Variants in OIP5 observed in about 807,000 individuals in gnomAD.
OIP5 encodes Opa interacting protein 5.
In OIP5, 24 loss-of-function variants were observed where a neutral mutation model predicts 20.3. That is an observed-to-expected ratio of 1.18 (90% CI 0.86 to 1.66). OIP5 has a LOEUF of 1.66. Ranked by LOEUF, OIP5 falls within the 40% of genes most tolerant of loss-of-function variation. OIP5 has a pLI of 0.00. For synonymous variants in OIP5, 143 were observed against 121.3 expected, an observed-to-expected ratio of 1.18 and a Z score of -1.17; for missense variants, 339 against 289.5, an observed-to-expected ratio of 1.17 and a Z score of -1.24.
chr15:41,332,045 C>G, intron 1 of OIP5, 64 bp from the exon 2 acceptor site: 2 of 1,495,176 alleles, frequency 1.3e-6, no homozygotes, highest in Non-Finnish European at 1.9e-6. Context: ...AATCTCTCCT[C>G]TAGACAGACT....
At chr15:41,326,943 A>G (rs1375311983) in intron 2 of OIP5, among the ~76,000 whole-genome samples, 2 of 152,194 alleles carry the variant, frequency 1.3e-5, no homozygotes, top group African/African-American at 4.8e-5. Flanking sequence ...CCTTATCAGT[A>G]GAATGAGGTC....
chr15:41,310,938 T>C (rs2047750005), intron 4 of OIP5, among the ~76,000 whole-genome samples: 1 of 152,220 alleles, frequency 6.6e-6, no homozygotes, highest in Non-Finnish European at 1.5e-5. Context: ...ATATTTAGCA[T>C]GAAATTTAGT....
chr15:41,316,318 AAG>A (rs139955006), intron 3 of OIP5, among the ~76,000 whole-genome samples: 2,401 of 152,186 alleles, frequency 0.016, 78 homozygotes, highest in African/African-American at 0.056. Flanking sequence ...TCTTTAAAAA[AAG>A]AGAATGATCA....
Position 41,327,656 on chromosome 15 carries a change from C to T in OIP5, c.389+4259G>A, listed in dbSNP as rs1184664496. Among the ~76,000 whole-genome samples, 3 of 151,968 alleles carry T rather than the reference C, an allele frequency of 2.0e-5. No homozygotes were observed. The East Asian group carries it at 5.8e-4, about 30-fold the overall frequency. On this transcript the variant is annotated intron_variant, in intron 2 of 4. Coordinates refer to ENST00000220514, the MANE Select transcript of OIP5 (RefSeq NM_007280.2). The stretch of plus-strand genomic sequence containing the variant: ...ACATAAAATTAGCCAGATGTGGTGG[C>T]ATGCACCTGTAGTCCCAGTTACTCG...
At chr15:41,322,649 G>A (rs1033180796) in intron 2 of OIP5, among the ~76,000 whole-genome samples, 3 of 151,986 alleles carry the variant, frequency 2.0e-5, no homozygotes, top group African/African-American at 7.2e-5. Context: ...AAATCACATA[G>A]CTAGCCCGGG....
At chr15:41,314,593 GA>G (rs1430837952) in intron 3 of OIP5, among the ~76,000 whole-genome samples, 1 of 151,150 alleles carries the variant, frequency 6.6e-6, no homozygotes, top group Non-Finnish European at 1.5e-5. Context: ...CTTGACATCA[GA>G]AATTTGAGAC....
intron 3 of OIP5, among the ~76,000 whole-genome samples, chr15:41,314,897 G>A (rs1245183552): frequency 1.3e-5 from 2 of 151,556 alleles, no homozygotes. Context: ...CTCCCAAAGT[G>A]CTGGGATTAC....
At position 41,318,476 on chromosome 15, in the gene OIP5, T is replaced by C. The variant is rs574740675; in HGVS notation, c.512+1182A>G. ...TGCACCCGGCCCATAAGGGAGCAGT[T>C]TGAGATGGGAGGCTTCACCATGTTG... is the stretch of plus-strand genomic sequence containing the variant. On this transcript the variant is annotated intron_variant, in intron 3 of 4. Transcript: ENST00000220514. Among the ~76,000 whole-genome samples the C allele has an allele frequency of 5.3e-5, 8 of 151,940 alleles. No homozygotes were observed. The South Asian group carries it at 1.5e-3, about 28-fold the overall frequency.
intron 2 of OIP5, among the ~76,000 whole-genome samples, chr15:41,320,993 G>A (rs2047820296): frequency 6.6e-6 from 1 of 150,740 alleles, no homozygotes; most frequent in African/African-American, 2.4e-5. Context: ...TGGGAGGTGA[G>A]GAGCGTCTCT....
chr15:41,325,363 G>A (rs535499740), intron 2 of OIP5, among the ~76,000 whole-genome samples: 4 of 151,910 alleles, frequency 2.6e-5, no homozygotes, highest in Non-Finnish European at 5.9e-5. Context: ...CCTAGATCAC[G>A]CCACTGCACT....
chr15:41,331,728 C>T (rs1296619035), intron 2 of OIP5, among the ~76,000 whole-genome samples, 187 bp downstream of exon 2: 1 of 151,884 alleles, frequency 6.6e-6, no homozygotes, highest in East Asian at 1.9e-4. Context: ...GAGAAGTGGC[C>T]CTCAGGAAGA....
In OIP5 at chr15:41,326,694, G is replaced by A. The variant is rs377385693; in HGVS notation, c.389+5221C>T. Among the ~76,000 whole-genome samples, 75 of 152,288 alleles carry A rather than the reference G, an allele frequency of 4.9e-4. 1 individual carries two copies. Among genetic ancestry groups the A allele is most frequent in the African/African-American group, 1.7e-3 (69 of 41,542 alleles). ...GCACACCTAGGCCTTCCAAAGTGCCGGCATTACAGGTGTGAGCCACCGTGC... is the reference window on the plus strand; with the variant it reads ...GCACACCTAGGCCTTCCAAAGTGCCAGCATTACAGGTGTGAGCCACCGTGC... On this transcript the variant is annotated intron_variant, in intron 2 of 4. Transcript: ENST00000220514.
intron 2 of OIP5, among the ~76,000 whole-genome samples, chr15:41,322,654 C>T (rs2047837552): frequency 6.6e-6 from 1 of 151,964 alleles, no homozygotes; most frequent in South Asian, 2.1e-4. Context: ...ACATAGCTAG[C>T]CCGGGCATGA....
intron 1 of OIP5, 22 bp downstream of exon 1, chr15:41,332,218 C>A: frequency 6.5e-7 from 1 of 1,528,652 alleles, no homozygotes; most frequent in South Asian, 1.3e-5. Flanking sequence ...TCTGCCTTTC[C>A]CGAACGCTTC....
chr15:41,319,365 C>G lies in OIP5; in HGVS notation c.512+293G>C, dbSNP rs529746678. 3.7e-3 allele frequency among the ~76,000 whole-genome samples: 566 copies of G among 152,100 alleles called. 2 individuals are homozygous for G. The highest frequency in any genetic ancestry group is 6.0e-3 in the South Asian group (29 of 4,822). On this transcript the variant is annotated intron_variant, in intron 3 of 4. Coordinates refer to ENST00000220514, the MANE Select transcript of OIP5 (RefSeq NM_007280.2). The stretch of plus-strand genomic sequence containing the variant: ...CTGCCTCCCAGGTTCCAACAATTCT[C>G]GTGCCTCAGCCTCCTGAGTAGCTGG...
At position 41,332,405 on chromosome 15, in the gene OIP5, C is replaced by A; in HGVS notation, c.157G>T (p.Ala53Ser). 6.2e-7 allele frequency: 1 copy of A among 1,613,860 alleles called. No individual in the cohort carries two copies. Among genetic ancestry groups the A allele is most frequent in the Non-Finnish European group, 8.5e-7 (1 of 1,179,860 alleles). ...VVKGSSPLGP[A>S]GLGAEEPAAG... ...GCTGGCTCCTCAGCCCCCAGCCCTGCGGGGCCGAGCGGCGAGGACCCCTTC... is the reference window on the plus strand; with the variant it reads ...GCTGGCTCCTCAGCCCCCAGCCCTGAGGGGCCGAGCGGCGAGGACCCCTTC... The change falls in exon 1 of 5, where the codon GCA (alanine) becomes TCA (serine). Residue 53 changes from alanine to serine, a missense_variant. Physicochemically the swap from Ala to Ser is moderately conservative, Grantham distance 99 (BLOSUM62 1). Coordinates refer to ENST00000220514, the MANE Select transcript of OIP5 (RefSeq NM_007280.2).
At chr15:41,327,856 C>T (rs982722710) in intron 2 of OIP5, among the ~76,000 whole-genome samples, 29 of 151,966 alleles carry the variant, frequency 1.9e-4, no homozygotes, top group Admixed American at 3.3e-4. Context: ...GCTTGTAATG[C>T]CAGCACTTTG....
chr15:41,332,122 T>G (rs902595693), intron 1 of OIP5, 118 bp downstream of exon 1: 17 of 1,359,758 alleles, frequency 1.3e-5, no homozygotes, highest in Non-Finnish European at 1.5e-5. Flanking sequence ...AGGAGTTATT[T>G]GCTTCCAACT....
At chr15:41,330,840 G>A (rs1025985808) in intron 2 of OIP5, among the ~76,000 whole-genome samples, 8 of 152,122 alleles carry the variant, frequency 5.3e-5, no homozygotes, top group African/African-American at 1.9e-4. Flanking sequence ...TACAGTATAG[G>A]ACAGCACGGG....
Sources: allele counts gnomAD v4.1 joint callset (sites outside exome capture counted in the v4.1 genomes callset), GRCh38; gene constraint gnomAD v4.1.1; transcripts MANE v1.5; gene names NCBI Gene and HGNC (gene_info 2026-07-23, HGNC 2026-07-21).